The following KCNN2 variants were observed in gnomAD, a reference collection of about 807,000 sequenced individuals.
KCNN2 encodes potassium calcium-activated channel subfamily N member 2.
In KCNN2, 24 loss-of-function variants were observed where a neutral mutation model predicts 55.5. That is an observed-to-expected ratio of 0.43 (90% CI 0.31 to 0.61). The LOEUF (loss-of-function observed/expected upper bound fraction) is 0.61. KCNN2 is among the 20% of genes least tolerant of loss of function. KCNN2 has a pLI of 0.08. For missense variants in KCNN2, 754 were observed against 853.6 expected, an observed-to-expected ratio of 0.88 and a Z score of 1.45; for synonymous variants, 431 against 336.1, an observed-to-expected ratio of 1.28 and a Z score of -3.09.
At chr5:114,275,126 T>C (rs1391716146) in intron 2 of KCNN2, among the ~76,000 whole-genome samples, 2 of 152,222 alleles carry the variant, frequency 1.3e-5, no homozygotes, top group Non-Finnish European at 2.9e-5. Flanking sequence ...GTTTATGTGA[T>C]GGATTACATT....
At chr5:114,274,785 A>G (rs910382685) in intron 2 of KCNN2, among the ~76,000 whole-genome samples, 6 of 152,146 alleles carry the variant, frequency 3.9e-5, no homozygotes, top group Non-Finnish European at 5.9e-5. Flanking sequence ...CTGCAAACAG[A>G]GACAATTTGA....
intron 2 of KCNN2, among the ~76,000 whole-genome samples, chr5:114,326,966 G>A (rs1756726120): frequency 1.3e-5 from 2 of 152,114 alleles, no homozygotes; most frequent in Admixed American, 6.5e-5. Flanking sequence ...TCTCCACCTG[G>A]CTCCTCCTAT....
chr5:114,158,451 T>A (rs1309814449), intron 1 of KCNN2, among the ~76,000 whole-genome samples: 1 of 152,090 alleles, frequency 6.6e-6, no homozygotes, highest in Non-Finnish European at 1.5e-5. Context: ...CTTCCAGGTT[T>A]GTTCTTTTGG....
intron 2 of KCNN2, among the ~76,000 whole-genome samples, chr5:114,395,138 G>A (rs1276754911): frequency 2.0e-5 from 3 of 152,216 alleles, no homozygotes; most frequent in Non-Finnish European, 4.4e-5. Flanking sequence ...GCAGAAGGTA[G>A]ATAGGAGAAG....
At chr5:114,314,193 G>A (rs778552905) in intron 2 of KCNN2, among the ~76,000 whole-genome samples, 35 of 152,098 alleles carry the variant, frequency 2.3e-4, no homozygotes, top group Non-Finnish European at 4.6e-4. Flanking sequence ...GCAATTTTAG[G>A]TTACTAAAAA....
intron 2 of KCNN2, among the ~76,000 whole-genome samples, chr5:114,331,703 T>C (rs1024174217): frequency 4.6e-5 from 7 of 152,380 alleles, no homozygotes; most frequent in Admixed American, 3.3e-4. Context: ...GTATGTTCTC[T>C]ATAAACATAT....
At chr5:114,323,649 A>AATTTTTTTTTTTT (rs1404261239) in intron 2 of KCNN2, among the ~76,000 whole-genome samples, 1 of 85,318 alleles carries the variant, frequency 1.2e-5, no homozygotes, top group East Asian at 4.3e-4. Context: ...AAACATATCA[A>AATTTTTTTTTTTT]TTTTTTTTTT....
At chr5:114,385,248 C>A (rs146971828) in intron 2 of KCNN2, among the ~76,000 whole-genome samples, 21 of 151,958 alleles carry the variant, frequency 1.4e-4, no homozygotes, top group Admixed American at 2.6e-4. Flanking sequence ...CTTTTGTTCT[C>A]TTTCTCTCCC....
In KCNN2 at chr5:114,363,252, C is replaced by G; in HGVS notation, c.1113C>G (p.Ala371=). The stretch of plus-strand genomic sequence containing the variant: ...TCGAGACCGAGCTGTCGTGGGGCGC[C>G]TACGACAAGGTACAGGCTTGAACCC... ...MVIETELSWG[A]YDKASLYSLA... Residue 371 remains alanine (A), a synonymous_variant, in exon 1 of 8, where the codon GCC becomes GCG. Coordinates refer to ENST00000673685, the MANE Select transcript of KCNN2 (RefSeq NM_021614.4). 6.2e-7 allele frequency: 1 copy of G among 1,608,762 alleles called. No individual in the cohort carries two copies. Among genetic ancestry groups the G allele is most frequent in the Non-Finnish European group, 8.5e-7 (1 of 1,177,914 alleles).
At chr5:114,097,623 G>A (rs1016278305) in intron 1 of KCNN2, among the ~76,000 whole-genome samples, 2 of 152,140 alleles carry the variant, frequency 1.3e-5, no homozygotes, top group African/African-American at 4.8e-5. Context: ...AAACATGAAC[G>A]TCTCTTGTTT....
At chr5:114,172,845 A>T (rs1205519760) in intron 1 of KCNN2, among the ~76,000 whole-genome samples, 6 of 151,762 alleles carry the variant, frequency 4.0e-5, no homozygotes, top group Admixed American at 2.0e-4. Context: ...ACCTTGTCAG[A>T]TGGGCAGTTT....
intron 3 of KCNN2, among the ~76,000 whole-genome samples, chr5:114,440,174 G>A (rs770761578): frequency 3.9e-5 from 6 of 152,040 alleles, no homozygotes; most frequent in East Asian, 1.9e-4. Context: ...ACACATGAAC[G>A]TAAAAGGAGT....
chr5:114,139,532 C>T (rs1414085146), intron 1 of KCNN2, among the ~76,000 whole-genome samples: 1 of 149,140 alleles, frequency 6.7e-6, no homozygotes, highest in African/African-American at 2.5e-5. Flanking sequence ...AACACAGCCT[C>T]CAGAGGTTAT....
At chr5:114,128,921 G>A (rs1409292251) in intron 1 of KCNN2, among the ~76,000 whole-genome samples, 3 of 152,074 alleles carry the variant, frequency 2.0e-5, no homozygotes, top group Non-Finnish European at 2.9e-5. Context: ...AATTTTCTAG[G>A]TAAATAAAAA....
At chr5:114,450,823 G>C (rs1261291420) in intron 3 of KCNN2, among the ~76,000 whole-genome samples, 5 of 152,142 alleles carry the variant, frequency 3.3e-5, no homozygotes, top group Admixed American at 3.3e-4. Context: ...ACAAAACACT[G>C]TTCTACATCC....
At chr5:114,319,074 G>T (rs1238850987) in intron 2 of KCNN2, among the ~76,000 whole-genome samples, 1 of 152,018 alleles carries the variant, frequency 6.6e-6, no homozygotes, top group Non-Finnish European at 1.5e-5. Flanking sequence ...AGGCTAAGGG[G>T]TATATTCAGG....
intron 2 of KCNN2, among the ~76,000 whole-genome samples, chr5:114,398,843 T>C (rs1057131464): frequency 2.0e-5 from 3 of 152,184 alleles, no homozygotes; most frequent in Admixed American, 2.0e-4. Flanking sequence ...TCTCTCAACT[T>C]GAATGCTATT....
At chr5:114,163,973 A>G (rs2112535051) in intron 1 of KCNN2, among the ~76,000 whole-genome samples, 1 of 152,250 alleles carries the variant, frequency 6.6e-6, no homozygotes, top group Admixed American at 6.5e-5. Context: ...TAGAATATTG[A>G]GACCAGAAGA....
intron 2 of KCNN2, among the ~76,000 whole-genome samples, chr5:114,312,729 A>C (rs539707059): frequency 6.6e-6 from 1 of 152,054 alleles, no homozygotes; most frequent in Admixed American, 6.6e-5. Flanking sequence ...ATATAACTGG[A>C]GAGGATTGCA....
Sources: gnomAD v4.1 joint callset for allele counts (sites outside exome capture counted in the v4.1 genomes callset) on GRCh38, gnomAD v4.1.1 for gene constraint, MANE v1.5 for transcripts, NCBI Gene and HGNC (gene_info 2026-07-23, HGNC 2026-07-21) for gene names.